RAB21: variants seen among roughly 807,000 people sequenced by gnomAD.
The protein encoded by RAB21 is RAB21, member RAS oncogene family.
RAB21 carries 13 observed loss-of-function variants against 33.1 expected under a neutral mutation model. The observed-to-expected ratio is 0.39, with a 90% confidence interval of 0.26 to 0.62. The LOEUF is 0.62. RAB21 is among the 20% of genes least tolerant of loss of function. RAB21 has a pLI of 0.48. For synonymous variants in RAB21, 91 were observed against 103.7 expected, an observed-to-expected ratio of 0.88 and a Z score of 0.74; for missense variants, 234 against 279.1, an observed-to-expected ratio of 0.84 and a Z score of 1.15.
At chr12:71,777,121 A>G (rs542818410) in intron 4 of RAB21, among the ~76,000 whole-genome samples, 30 of 152,320 alleles carry the variant, frequency 2.0e-4, no homozygotes, top group African/African-American at 5.5e-4. Context: ...TCAATAACAT[A>G]ATTTTCACAA....
Position 71,795,203 on chromosome 12 carries a change from G to C in RAB21, c.*9530G>C, listed in dbSNP as rs1042714731. ...TCATTAGAGAAATAAAAATGAGCAA[G>C]ATTTGTGATTCAGAATATTAAAAGT... is the stretch of plus-strand genomic sequence containing the variant. On this transcript the variant is annotated 3_prime_UTR_variant, in exon 7 of 7. Transcript: ENST00000261263. The C allele has an allele frequency of 6.6e-6, 1 of 152,178 alleles. No homozygotes were observed. The highest frequency in any genetic ancestry group is 1.5e-5 in the Non-Finnish European group (1 of 68,036). The allele number at this position is 152,178 out of a possible 1,614,324, so 9.4% of individuals were successfully genotyped here.
intron 4 of RAB21, among the ~76,000 whole-genome samples, chr12:71,778,273 T>C (rs1883149815): frequency 6.6e-6 from 1 of 152,232 alleles, no homozygotes; most frequent in Admixed American, 6.5e-5. Context: ...CTGTGGTTGA[T>C]AGTATTCTGC....
chr12:71,759,418 A>C (rs537373337), intron 1 of RAB21, among the ~76,000 whole-genome samples: 4 of 152,384 alleles, frequency 2.6e-5, no homozygotes, highest in African/African-American at 9.6e-5. Context: ...GCTCTGCAGC[A>C]AGTTTTACTG....
chr12:71,779,378 C>T (rs543565590), intron 4 of RAB21, among the ~76,000 whole-genome samples: 12 of 152,142 alleles, frequency 7.9e-5, no homozygotes, highest in Middle Eastern at 3.4e-3. Context: ...CGCTTGAGCC[C>T]GGGAGGTGGA....
Position 71,794,425 on chromosome 12 carries a change from ATATTTTTTTTTTTTT to A in RAB21, c.*8754_*8768del, listed in dbSNP as rs1883435149. On this transcript the variant is annotated 3_prime_UTR_variant, in exon 7 of 7. Transcript: ENST00000261263. ...ATATATTATATATATATATATATAT[ATATTTTTTTTTTTTT>A]TTTTTTTTTTTTTTTTGAGACGGAG... is the stretch of plus-strand genomic sequence containing the variant. The A allele has an allele frequency of 2.1e-5, 1 of 46,566 alleles. No individual in the cohort carries two copies. The highest frequency in any genetic ancestry group is 3.4e-5 in the Non-Finnish European group (1 of 29,600). The allele number at this position is 46,566 out of a possible 1,614,324, so 2.9% of individuals were successfully genotyped here.
intron 1 of RAB21, among the ~76,000 whole-genome samples, chr12:71,760,930 G>A (rs1255107607): frequency 6.6e-6 from 1 of 152,048 alleles, no homozygotes; most frequent in Non-Finnish European, 1.5e-5. Context: ...ATTTGGCTGG[G>A]TGCAGTGGCT....
Position 71,781,195 on chromosome 12 carries a change from C to T in RAB21, c.392-836C>T, listed in dbSNP as rs557000479. On this transcript the variant is annotated intron_variant, in intron 4 of 6. Coordinates refer to ENST00000261263, the MANE Select transcript of RAB21 (RefSeq NM_014999.4). ...AAAGAATACAGTTTTTCCGGCCGGG[C>T]GCGGTGGCTCAAGCCTGTAATCCTA... is the stretch of plus-strand genomic sequence containing the variant. 3.3e-5 allele frequency among the ~76,000 whole-genome samples: 5 copies of T among 152,188 alleles called. No individual in the cohort carries two copies. The South Asian group carries it at 8.3e-4, about 25-fold the overall frequency.
intron 4 of RAB21, 33 bp downstream of exon 4, chr12:71,774,055 T>A (rs769453196): frequency 7.2e-7 from 1 of 1,394,760 alleles, no homozygotes; most frequent in Non-Finnish European, 9.9e-7. Flanking sequence ...AAAAAAAAAG[T>A]CCTCTGTTTC....
Position 71,755,158 on chromosome 12 carries a change from G to T in RAB21, c.29G>T (p.Gly10Val). The T allele has an allele frequency of 7.7e-7, 1 of 1,305,278 alleles. No homozygotes were observed. Among genetic ancestry groups the T allele is most frequent in the Admixed American group, 3.9e-5 (1 of 25,410 alleles). The allele number at this position is 1,305,278 out of a possible 1,614,324, so 80.9% of individuals were successfully genotyped here. A position where few individuals can be genotyped will look rare whatever the true frequency, so the allele number is the denominator to read the frequency against. ...GCTGCGGCCGGCGGCGGCGGCGGCG[G>T]GGCGGCGGCGGCGGGCCGAGCCTAC... is the stretch of plus-strand genomic sequence containing the variant. Reference protein sequence around the residue: MAAAGGGGGGAAAAGRAYSF... With the variant: MAAAGGGGGVAAAAGRAYSF... Residue 10 changes from glycine to valine, a missense_variant, in exon 1 of 7, where the codon GGG (glycine) becomes GTG (valine). By Grantham distance (109) the Gly-to-Val change is moderately radical. Transcript: ENST00000261263.
intron 4 of RAB21, among the ~76,000 whole-genome samples, chr12:71,774,467 A>G (rs1008619972): frequency 1.3e-5 from 2 of 151,158 alleles, no homozygotes; most frequent in Non-Finnish European, 3.0e-5. Flanking sequence ...TTCCATCTCA[A>G]AAAAAAATAG....
At position 71,782,069 on chromosome 12, in the gene RAB21, A is replaced by C. The variant is rs754761304; in HGVS notation, c.430A>C (p.Ile144Leu). Residue 144 changes from isoleucine to leucine, a missense_variant, in exon 5 of 7, where the codon ATT becomes CTT. Coordinates refer to ENST00000261263, the MANE Select transcript of RAB21 (RefSeq NM_014999.4). ...CTTGGAAAAGGAGAGACATGTTTCCATTCAAGAAGCAGAGTCGTAAGTACT... is the reference window on the plus strand; with the variant it reads ...CTTGGAAAAGGAGAGACATGTTTCCCTTCAAGAAGCAGAGTCGTAAGTACT... Reference protein sequence around the residue: ...IDLEKERHVSIQEAESYAESV... With the variant: ...IDLEKERHVSLQEAESYAESV... The C allele has an allele frequency of 6.2e-7, 1 of 1,608,204 alleles. No homozygotes were observed. The highest frequency in any genetic ancestry group is 1.1e-5 in the South Asian group (1 of 90,776).
At chr12:71,779,542 A>G (rs186290378) in intron 4 of RAB21, among the ~76,000 whole-genome samples, 80 of 152,332 alleles carry the variant, frequency 5.3e-4, no homozygotes, top group African/African-American at 1.8e-3. Context: ...GCTTTCTGAA[A>G]GCTTCTTTCC....
chr12:71,755,907 A>C (rs1240360245), intron 1 of RAB21, among the ~76,000 whole-genome samples: 3 of 152,206 alleles, frequency 2.0e-5, no homozygotes, highest in Non-Finnish European at 4.4e-5. Context: ...CATCAAGTGA[A>C]TACTGGCCAA....
At position 71,786,816 on chromosome 12, in the gene RAB21, C is replaced by G. The variant is rs1055986427; in HGVS notation, c.*1143C>G. 6.6e-6 allele frequency: 1 copy of G among 152,108 alleles called. No homozygotes were observed. Among genetic ancestry groups the G allele is most frequent in the Non-Finnish European group, 1.5e-5 (1 of 68,002 alleles). The allele number at this position is 152,108 out of a possible 1,614,324, so 9.4% of individuals were successfully genotyped here. A position where few individuals can be genotyped will look rare whatever the true frequency, so the allele number is the denominator to read the frequency against. The stretch of plus-strand genomic sequence containing the variant: ...CTGATGATTGAGCAGTAGCATTTGC[C>G]TTTTGGGTTTTTTGTTTGTTATTAT... On this transcript the variant is annotated 3_prime_UTR_variant, in exon 7 of 7. Coordinates refer to ENST00000261263, the MANE Select transcript of RAB21 (RefSeq NM_014999.4).
chr12:71,785,437 T>C, intron 6 of RAB21, 94 bp from the exon 7 acceptor site: 8 of 1,411,496 alleles, frequency 5.7e-6, no homozygotes, highest in Non-Finnish European at 7.7e-6. Context: ...TGGTCGAAAG[T>C]CAGAAATAGC....
In RAB21 at chr12:71,768,249, T is replaced by G. The variant is rs184393811; in HGVS notation, c.160-1551T>G. On this transcript the variant is annotated intron_variant, in intron 1 of 6. Coordinates refer to ENST00000261263, the MANE Select transcript of RAB21 (RefSeq NM_014999.4). ...AATCACTACATCCAGTGGCCTTTTC[T>G]TAGTTCTAATTTTCTGTGGTGTGCC... Among the ~76,000 whole-genome samples, 313 of 152,300 alleles carry G rather than the reference T, an allele frequency of 2.1e-3. 1 individual carries two copies. The highest frequency in any genetic ancestry group is 7.4e-3 in the African/African-American group (309 of 41,574).
chr12:71,763,214 C>T (rs1882905788), intron 1 of RAB21, among the ~76,000 whole-genome samples: 1 of 150,362 alleles, frequency 6.7e-6, no homozygotes, highest in South Asian at 2.1e-4. Flanking sequence ...TAGATAAAGC[C>T]AGGAAAGTAT....
intron 1 of RAB21, among the ~76,000 whole-genome samples, chr12:71,760,372 TA>T (rs747884414): frequency 0.16 from 23,651 of 152,024 alleles, 2,282 homozygotes; most frequent in East Asian, 0.32. Flanking sequence ...TCTCTTAACT[TA>T]TATAGAGTCC....
chr12:71,757,549 C>T lies in RAB21; in HGVS notation c.159+2261C>T, dbSNP rs112173786. On this transcript the variant is annotated intron_variant, in intron 1 of 6. Coordinates refer to ENST00000261263, the MANE Select transcript of RAB21 (RefSeq NM_014999.4). ...GGAGGATGAAGTTATAGTAGATATCCAGTATTAATATCTGAATTATATTAT... is the reference window on the plus strand; with the variant it reads ...GGAGGATGAAGTTATAGTAGATATCTAGTATTAATATCTGAATTATATTAT... Among the ~76,000 whole-genome samples, 83 of 152,256 alleles carry T rather than the reference C, an allele frequency of 5.5e-4. 1 individual carries two copies. Among genetic ancestry groups the T allele is most frequent in the African/African-American group, 1.7e-3 (72 of 41,544 alleles).
Sources: allele counts gnomAD v4.1 joint callset (sites outside exome capture counted in the v4.1 genomes callset), GRCh38; gene constraint gnomAD v4.1.1; transcripts MANE v1.5; gene names NCBI Gene and HGNC (gene_info 2026-07-23, HGNC 2026-07-21).